PDE11A: variants seen among roughly 807,000 people sequenced by gnomAD.
PDE11A encodes dual 3',5'-cyclic-AMP and -GMP phosphodiesterase 11A.
Under a neutral mutation model 100.5 loss-of-function variants are expected in PDE11A, and 100 were observed. The ratio of observed to expected loss-of-function variants is 1.00; its 90% CI spans 0.85 to 1.18. The LOEUF (loss-of-function observed/expected upper bound fraction) is 1.18, where lower values mean the gene tolerates loss of function less well. Ranked by LOEUF, PDE11A falls within the 50% of genes most tolerant of loss-of-function variation. The pLI, the probability that PDE11A is intolerant of heterozygous loss-of-function variation, is 0.00. For missense variants in PDE11A, 1,141 were observed against 1,152.6 expected, an observed-to-expected ratio of 0.99 and a Z score of 0.15; for synonymous variants, 381 against 420.8, an observed-to-expected ratio of 0.91 and a Z score of 1.16.
chr2:177,792,097 T>C (rs41397549), intron 9 of PDE11A, among the ~76,000 whole-genome samples: 6,621 of 152,306 alleles, frequency 0.043, 206 homozygotes, highest in Non-Finnish European at 0.065. Context: ...TATTTCAAAA[T>C]TAGTGTTCCA....
intron 19 of PDE11A, among the ~76,000 whole-genome samples, chr2:177,632,097 G>T (rs1176931676): frequency 6.6e-6 from 1 of 152,132 alleles, no homozygotes; most frequent in African/African-American, 2.4e-5. Context: ...TCAGGGATAG[G>T]ACACTAGCCT....
intron 17 of PDE11A, among the ~76,000 whole-genome samples, chr2:177,674,627 C>G (rs12475250): frequency 0.77 from 117,609 of 152,166 alleles, 46,062 homozygotes; most frequent in East Asian, 0.88. Context: ...TCTTTCCTTT[C>G]ACGGTAATGT....
At chr2:177,681,363 AG>A (rs1321956419) in intron 15 of PDE11A, among the ~76,000 whole-genome samples, 1 of 152,248 alleles carries the variant, frequency 6.6e-6, no homozygotes, top group African/African-American at 2.4e-5. Context: ...ATTTTTTTCC[AG>A]GTTAGAAAAT....
At chr2:177,972,960 G>C (rs193159076) in intron 2 of PDE11A, among the ~76,000 whole-genome samples, 183 of 152,338 alleles carry the variant, frequency 1.2e-3, no homozygotes, top group South Asian at 5.4e-3. Flanking sequence ...AGCTTCATGA[G>C]ATAGGGCCAG....
At chr2:178,010,347 G>C (rs752213933) in intron 2 of PDE11A, among the ~76,000 whole-genome samples, 1 of 152,196 alleles carries the variant, frequency 6.6e-6, no homozygotes, top group Non-Finnish European at 1.5e-5. Context: ...TTGAACGTGG[G>C]ACAAGGTTTT....
intron 19 of PDE11A, among the ~76,000 whole-genome samples, chr2:177,647,384 C>A (rs892391698): frequency 6.6e-6 from 1 of 152,148 alleles, no homozygotes; most frequent in Non-Finnish European, 1.5e-5. Context: ...TTGCCAATAT[C>A]TGTCCTTGGT....
At chr2:177,762,823 G>C (rs918728718) in intron 10 of PDE11A, among the ~76,000 whole-genome samples, 1 of 152,164 alleles carries the variant, frequency 6.6e-6, no homozygotes, top group South Asian at 2.1e-4. Context: ...AAGTTGATGT[G>C]AGGGGAGGTC....
intron 13 of PDE11A, among the ~76,000 whole-genome samples, chr2:177,707,017 C>A (rs1284563096): frequency 6.6e-6 from 1 of 151,986 alleles, no homozygotes; most frequent in African/African-American, 2.4e-5. Context: ...AGTTCAAGAG[C>A]TCACATATCT....
At chr2:177,979,468 T>C (rs2085852145) in intron 2 of PDE11A, among the ~76,000 whole-genome samples, 1 of 150,532 alleles carries the variant, frequency 6.6e-6, no homozygotes, top group East Asian at 1.9e-4. Flanking sequence ...GGTTTGTCTA[T>C]ATAGCAATGT....
intron 2 of PDE11A, among the ~76,000 whole-genome samples, chr2:177,972,722 A>G (rs1259545531): frequency 1.3e-5 from 2 of 152,214 alleles, no homozygotes; most frequent in African/African-American, 4.8e-5. Context: ...AAGAAGGGAC[A>G]TCGGTGGGAC....
intron 9 of PDE11A, among the ~76,000 whole-genome samples, chr2:177,774,026 G>A (rs1337031801): frequency 6.6e-6 from 1 of 152,134 alleles, no homozygotes; most frequent in Non-Finnish European, 1.5e-5. Flanking sequence ...CAGAAAGATG[G>A]TGGTGCTTCA....
chr2:177,917,362 G>C (rs1038840583), intron 2 of PDE11A, among the ~76,000 whole-genome samples: 4 of 152,088 alleles, frequency 2.6e-5, no homozygotes, highest in African/African-American at 9.7e-5. Context: ...TCTGGTAATA[G>C]TTCCCAGATC....
rs532467558 is a variant in PDE11A at position 177,656,072 on chromosome 2, ACTT to A, written c.2646+7791_2646+7793del. Among the ~76,000 whole-genome samples, 66 of 152,264 alleles carry A rather than the reference ACTT, an allele frequency of 4.3e-4. 1 individual carries two copies. In the South Asian group the frequency reaches 0.013, roughly 30 times the overall value. On this transcript the variant is annotated intron_variant, in intron 19 of 19. Coordinates refer to ENST00000286063, the MANE Select transcript of PDE11A (RefSeq NM_016953.4). ...ATTCAACTATGATGAGAACTAAACC[ACTT>A]TATAAAAAGATATCATAGGCCATAT...
chr2:177,786,464 T>G (rs929112513), intron 9 of PDE11A, among the ~76,000 whole-genome samples: 22 of 151,816 alleles, frequency 1.4e-4, no homozygotes, highest in African/African-American at 5.3e-4. Flanking sequence ...AACTGGAAAC[T>G]CTAAAAAGCA....
chr2:177,939,439 G>A (rs1285426751), intron 2 of PDE11A, among the ~76,000 whole-genome samples: 4 of 135,036 alleles, frequency 3.0e-5, no homozygotes, highest in Non-Finnish European at 6.4e-5. Context: ...AGGAGGAAGG[G>A]AGGAAGAAAG....
intron 3 of PDE11A, among the ~76,000 whole-genome samples, chr2:177,903,201 T>C (rs972158835): frequency 6.6e-6 from 1 of 152,226 alleles, no homozygotes; most frequent in African/African-American, 2.4e-5. Flanking sequence ...TGGTATTCCA[T>C]GGCCAGAAAT....
chr2:178,067,952 C>A (rs2087070205), intron 1 of PDE11A, among the ~76,000 whole-genome samples: 2 of 152,306 alleles, frequency 1.3e-5, no homozygotes, highest in South Asian at 4.1e-4. Flanking sequence ...AACAAAACAT[C>A]CTGCTGCTTT....
chr2:177,884,112 T>C (rs941211136), intron 4 of PDE11A, among the ~76,000 whole-genome samples: 1 of 152,216 alleles, frequency 6.6e-6, no homozygotes, highest in African/African-American at 2.4e-5. Flanking sequence ...CCATAGGTAG[T>C]TGGGGAGTGG....
intron 1 of PDE11A, among the ~76,000 whole-genome samples, chr2:178,066,447 T>C (rs374091283): frequency 3.3e-5 from 5 of 152,336 alleles, no homozygotes; most frequent in African/African-American, 1.2e-4. Context: ...CAATGGAGTA[T>C]GAGCCCCAGA....
Sources: allele counts gnomAD v4.1 joint callset (sites outside exome capture counted in the v4.1 genomes callset), GRCh38; gene constraint gnomAD v4.1.1; transcripts MANE v1.5; gene names NCBI Gene and HGNC (gene_info 2026-07-23, HGNC 2026-07-21).